The following ANO3 variants were observed in gnomAD, a reference collection of about 807,000 sequenced individuals.
ANO3 encodes anoctamin 3.
A neutral mutation model predicts 144.8 loss-of-function variants in ANO3; 99 were observed. The observed-to-expected ratio is 0.68, with a 90% CI of 0.58 to 0.81. The LOEUF (loss-of-function observed/expected upper bound fraction) is 0.81. ANO3 is among the 30% of genes least tolerant of loss of function. ANO3 has a pLI of 0.00. For synonymous variants in ANO3, 414 were observed against 392.6 expected, an observed-to-expected ratio of 1.05 and a Z score of -0.64; for missense variants, 905 against 1,202.2, an observed-to-expected ratio of 0.75 and a Z score of 3.66.
chr11:26,473,823 C>T, intron 4 of ANO3: 4 of 627,492 alleles, frequency 6.4e-6, no homozygotes, highest in Non-Finnish European at 6.0e-6. Flanking sequence ...CCCCCTATTC[C>T]ACCCTATAAC....
At chr11:26,281,342 G>A (rs148027999) in intron 1 of ANO3, among the ~76,000 whole-genome samples, 11 of 151,990 alleles carry the variant, frequency 7.2e-5, no homozygotes, top group East Asian at 1.9e-4. Flanking sequence ...TCATATTCAC[G>A]TTTGAAAGAG....
At chr11:26,451,164 G>A (rs1184161451) in intron 3 of ANO3, among the ~76,000 whole-genome samples, 1 of 152,186 alleles carries the variant, frequency 6.6e-6, no homozygotes, top group East Asian at 1.9e-4. Context: ...CGACGCAGAA[G>A]ACAGGTGATT....
At chr11:26,586,580 G>T (rs889830942) in intron 14 of ANO3, among the ~76,000 whole-genome samples, 1 of 140,084 alleles carries the variant, frequency 7.1e-6, no homozygotes, top group Admixed American at 7.8e-5. Flanking sequence ...TCGGCTCACC[G>T]CAAGCTCCGC....
chr11:26,539,441 C>A (rs1055520882), intron 10 of ANO3, among the ~76,000 whole-genome samples: 2 of 152,070 alleles, frequency 1.3e-5, no homozygotes, highest in African/African-American at 2.4e-5. Flanking sequence ...AAAAAAGATA[C>A]CCTAAATATT....
chr11:26,474,864 A>G (rs1859903094), intron 4 of ANO3, among the ~76,000 whole-genome samples: 1 of 151,880 alleles, frequency 6.6e-6, no homozygotes, highest in Non-Finnish European at 1.5e-5. Context: ...TAATATTAGA[A>G]ATATAAAAAT....
At chr11:26,214,863 A>C (rs1852005454) in intron 1 of ANO3, among the ~76,000 whole-genome samples, 1 of 151,930 alleles carries the variant, frequency 6.6e-6, no homozygotes, top group Non-Finnish European at 1.5e-5. Context: ...TCTTGGCCTT[A>C]ACAGGTTCAC....
At chr11:26,270,498 CT>C (rs1853416189) in intron 1 of ANO3, among the ~76,000 whole-genome samples, 1 of 152,184 alleles carries the variant, frequency 6.6e-6, no homozygotes, top group African/African-American at 2.4e-5. Context: ...CAAAATCTCT[CT>C]CTTTTTACAT....
At chr11:26,432,072 T>G (rs1468311820) in intron 1 of ANO3, among the ~76,000 whole-genome samples, 1 of 152,148 alleles carries the variant, frequency 6.6e-6, no homozygotes, top group African/African-American at 2.4e-5. Context: ...GCATCTGTTA[T>G]TTTTTGACAT....
intron 1 of ANO3, among the ~76,000 whole-genome samples, chr11:26,246,374 G>C (rs117272809): frequency 6.6e-6 from 1 of 150,976 alleles, no homozygotes; most frequent in South Asian, 2.1e-4. Flanking sequence ...ATCTGTTAAT[G>C]CACAGCCTTA....
chr11:26,574,397 C>A (rs1850934455), intron 14 of ANO3, among the ~76,000 whole-genome samples: 1 of 152,112 alleles, frequency 6.6e-6, no homozygotes, highest in South Asian at 2.1e-4. Flanking sequence ...AATCCTATAG[C>A]ATCAAATCTT....
chr11:26,212,929 C>T (rs991058174), intron 1 of ANO3, among the ~76,000 whole-genome samples: 4 of 152,068 alleles, frequency 2.6e-5, no homozygotes, highest in African/African-American at 9.7e-5. Flanking sequence ...AAAGCTCATC[C>T]ACCATGATCA....
At chr11:26,646,320 C>T (rs1853344509) in intron 23 of ANO3, among the ~76,000 whole-genome samples, 1 of 152,022 alleles carries the variant, frequency 6.6e-6, no homozygotes. Context: ...AATAAACATA[C>T]AGTCATAGCT....
At chr11:26,277,716 A>G (rs1853589251) in intron 1 of ANO3, among the ~76,000 whole-genome samples, 1 of 151,790 alleles carries the variant, frequency 6.6e-6, no homozygotes, top group Non-Finnish European at 1.5e-5. Flanking sequence ...AATAGATAAT[A>G]ATTTTTTCTT....
At chr11:26,408,053 C>T (rs1025881445) in intron 1 of ANO3, among the ~76,000 whole-genome samples, 4 of 152,062 alleles carry the variant, frequency 2.6e-5, no homozygotes, top group Non-Finnish European at 5.9e-5. Flanking sequence ...CCATTCAGGA[C>T]ATAGACATGG....
At chr11:26,506,280 G>A (rs1392500795) in intron 4 of ANO3, among the ~76,000 whole-genome samples, 1 of 151,988 alleles carries the variant, frequency 6.6e-6, no homozygotes, top group Non-Finnish European at 1.5e-5. Context: ...TAAATATAGT[G>A]GTCAGGACCA....
intron 1 of ANO3, among the ~76,000 whole-genome samples, chr11:26,247,089 ATGT>A (rs1475482240): frequency 2.6e-5 from 4 of 152,322 alleles, no homozygotes; most frequent in Middle Eastern, 3.4e-3. Flanking sequence ...AACAGTTTTA[ATGT>A]TGTTCAATTT....
At chr11:26,637,164 T>C (rs574499818) in intron 20 of ANO3, among the ~76,000 whole-genome samples, 17 of 152,306 alleles carry the variant, frequency 1.1e-4, no homozygotes, top group African/African-American at 3.8e-4. Flanking sequence ...ACAAAAACTA[T>C]TGGACCCCCT....
At chr11:26,336,809 G>A (rs1855206173) in intron 1 of ANO3, among the ~76,000 whole-genome samples, 1 of 152,046 alleles carries the variant, frequency 6.6e-6, no homozygotes, top group African/African-American at 2.4e-5. Flanking sequence ...AACTCTTCCT[G>A]GTATTTTCAC....
upstream of ANO3, among the ~76,000 whole-genome samples, chr11:26,327,661 ATT>A (rs1013616869): frequency 3.9e-5 from 6 of 152,188 alleles, no homozygotes; most frequent in Admixed American, 2.6e-4. Flanking sequence ...GGACTTGATG[ATT>A]TTTGTTTAAA....
Sources: allele counts gnomAD v4.1 joint callset (sites outside exome capture counted in the v4.1 genomes callset), GRCh38; gene constraint gnomAD v4.1.1; transcripts MANE v1.5; gene names NCBI Gene and HGNC (gene_info 2026-07-23, HGNC 2026-07-21).